Variants in ATR observed in about 807,000 individuals in gnomAD.
ATR encodes serine/threonine-protein kinase ATR.
A neutral mutation model predicts 305.3 loss-of-function variants in ATR; 142 were observed. The observed-to-expected ratio is 0.47, with a 90% CI of 0.41 to 0.53. The LOEUF (loss-of-function observed/expected upper bound fraction) is 0.53, where lower values mean the gene tolerates loss of function less well. ATR is among the 20% of genes least tolerant of loss of function. The pLI, the probability that ATR is intolerant of heterozygous loss-of-function variation, is 0.00. For synonymous variants in ATR, 1,050 were observed against 1,068.1 expected (o/e 0.98, Z 0.33); for missense variants, 2,135 against 3,133.1 (o/e 0.68, Z 7.60).
intron 31 of ATR, chr3:142,499,204 C>T (rs115556969): frequency 0.026 from 9,361 of 354,218 alleles, 187 homozygotes; most frequent in Non-Finnish European, 0.038. Context: ...CTTTGAACAA[C>T]TAAACAAGGC....
chr3:142,522,882 C>T (rs779938120), intron 22 of ATR, 41 bp from the exon 23 acceptor site: 2 of 1,471,626 alleles, frequency 1.4e-6, no homozygotes, highest in Admixed American at 3.4e-5. Context: ...AGGATAACTG[C>T]TATAAATTTT....
intron 19 of ATR, among the ~76,000 whole-genome samples, chr3:142,537,376 C>T (rs2033898673): frequency 6.6e-6 from 1 of 151,982 alleles, no homozygotes; most frequent in South Asian, 2.1e-4. Context: ...AGCCACCATG[C>T]CTGGTCAGGA....
intron 24 of ATR, among the ~76,000 whole-genome samples, chr3:142,515,861 T>C (rs1469894607): frequency 6.6e-6 from 1 of 152,204 alleles, no homozygotes; most frequent in Non-Finnish European, 1.5e-5. Context: ...AACTCATTGA[T>C]AACTTTAGAA....
intron 36 of ATR, among the ~76,000 whole-genome samples, chr3:142,470,850 AAAAGTT>A (rs2071246026): frequency 6.6e-6 from 1 of 152,136 alleles, no homozygotes; most frequent in South Asian, 2.1e-4. Flanking sequence ...AAAATTTGTG[AAAAGTT>A]AAAGTTCTCT....
chr3:142,525,729 G>C (rs139709678), intron 21 of ATR, among the ~76,000 whole-genome samples: 6 of 152,094 alleles, frequency 3.9e-5, no homozygotes, highest in Non-Finnish European at 7.4e-5. Flanking sequence ...TAGTTCAAGT[G>C]ATAACTGGTT....
Position 142,464,453 on chromosome 3 carries a change from C to T in ATR, c.7041+644G>A, listed in dbSNP as rs190142083. On this transcript the variant is annotated intron_variant, in intron 41 of 46. Transcript: ENST00000350721. ...ATTTATCTTTTGATAAATATATTAA[C>T]ACAATAGCCAAAAGGTAGAAGCATC... Among the ~76,000 whole-genome samples the T allele has an allele frequency of 5.3e-5, 8 of 152,252 alleles. No individual in the cohort carries two copies. In the East Asian group the frequency reaches 1.4e-3, roughly 26 times the overall value.
intron 36 of ATR, among the ~76,000 whole-genome samples, chr3:142,471,006 C>T (rs1002106327): frequency 6.6e-6 from 1 of 152,084 alleles, no homozygotes; most frequent in Non-Finnish European, 1.5e-5. Flanking sequence ...TATGGTTGTA[C>T]ATTCACATTG....
chr3:142,498,881 A>G (rs2031794384), intron 31 of ATR, 107 bp from the exon 32 acceptor site: 7 of 1,091,710 alleles, frequency 6.4e-6, no homozygotes, highest in Non-Finnish European at 9.3e-6. Context: ...AGGTGGCTTC[A>G]TTCCTTTTTT....
intron 1 of ATR, among the ~76,000 whole-genome samples, chr3:142,569,804 G>A (rs1390338288): frequency 1.3e-5 from 2 of 151,918 alleles, no homozygotes; most frequent in African/African-American, 4.8e-5. Flanking sequence ...GCACCACCAT[G>A]CCTGGCTAAT....
At chr3:142,460,202 TAATA>T (rs1022841998) in intron 42 of ATR, among the ~76,000 whole-genome samples, 5 of 152,074 alleles carry the variant, frequency 3.3e-5, no homozygotes, top group African/African-American at 1.2e-4. Flanking sequence ...GTGTTAACAA[TAATA>T]AATAAAATAA....
At chr3:142,568,655 C>T (rs924241530) in intron 1 of ATR, among the ~76,000 whole-genome samples, 1 of 152,226 alleles carries the variant, frequency 6.6e-6, no homozygotes, top group Non-Finnish European at 1.5e-5. Flanking sequence ...ACCACGGCTG[C>T]AAACCCAGGC....
intron 3 of ATR, among the ~76,000 whole-genome samples, chr3:142,565,903 A>C (rs550057724): frequency 5.3e-5 from 8 of 152,294 alleles, no homozygotes; most frequent in African/African-American, 1.4e-4. Flanking sequence ...ATGGCAAATA[A>C]ACAAATTTGA....
At chr3:142,550,420 C>T (rs1175963521) in intron 13 of ATR, 118 bp from the exon 14 acceptor site, 4 of 1,110,250 alleles carry the variant, frequency 3.6e-6, no homozygotes, top group Admixed American at 1.9e-5. Flanking sequence ...TGAATTGGTC[C>T]ATTCAATTTT....
chr3:142,554,758 C>A (rs1559990299), intron 10 of ATR, among the ~76,000 whole-genome samples: 1 of 151,466 alleles, frequency 6.6e-6, no homozygotes, highest in Non-Finnish European at 1.5e-5. Flanking sequence ...TCCCTCTCTA[C>A]AAAAAATTTA....
intron 29 of ATR, among the ~76,000 whole-genome samples, chr3:142,504,894 C>T (rs761711264): frequency 3.3e-5 from 5 of 151,672 alleles, no homozygotes; most frequent in South Asian, 2.1e-4. Context: ...ACTAAGGTTT[C>T]GGCTGGATGT....
At chr3:142,540,882 A>T (rs1191259807) in intron 18 of ATR, 22 bp downstream of exon 18, 2 of 1,573,902 alleles carry the variant, frequency 1.3e-6, no homozygotes, top group Non-Finnish European at 1.7e-6. Flanking sequence ...AAAAAAATTA[A>T]TAAACTCAGG....
At chr3:142,457,163 T>C (rs1485348530) in intron 45 of ATR, among the ~76,000 whole-genome samples, 2 of 152,146 alleles carry the variant, frequency 1.3e-5, no homozygotes, top group Non-Finnish European at 2.9e-5. Context: ...ACTGAAAATA[T>C]TACATTAAGT....
intron 17 of ATR, among the ~76,000 whole-genome samples, chr3:142,541,373 C>CAT (rs1358584118): frequency 2.6e-5 from 4 of 152,064 alleles, no homozygotes; most frequent in Non-Finnish European, 5.9e-5. Flanking sequence ...CCCAAACTGC[C>CAT]ATACACATAT....
intron 36 of ATR, among the ~76,000 whole-genome samples, chr3:142,481,821 T>G (rs576751871): frequency 1.3e-5 from 2 of 151,722 alleles, no homozygotes; most frequent in African/African-American, 4.8e-5. Flanking sequence ...TATTTTGATT[T>G]ATTTATTTAT....
Sources: allele counts gnomAD v4.1 joint callset (sites outside exome capture counted in the v4.1 genomes callset), GRCh38; gene constraint gnomAD v4.1.1; transcripts MANE v1.5; gene names NCBI Gene and HGNC (gene_info 2026-07-23, HGNC 2026-07-21).